Variants in GRAMD2B observed in about 807,000 individuals in gnomAD.
GRAMD2B encodes GRAM domain-containing protein 2B.
GRAMD2B carries 41 observed loss-of-function variants against 59.2 expected under a neutral mutation model. The observed-to-expected ratio is 0.69, with a 90% CI of 0.54 to 0.90. The LOEUF (loss-of-function observed/expected upper bound fraction) is 0.90, where lower values mean the gene tolerates loss of function less well. Ranked by LOEUF, GRAMD2B falls within the 40% of genes least tolerant of loss-of-function variation. The pLI, the probability that GRAMD2B is intolerant of heterozygous loss-of-function variation, is 0.00. For missense variants in GRAMD2B, 424 were observed against 500.5 expected (o/e 0.85, Z 1.46); for synonymous variants, 161 against 182.7 (o/e 0.88, Z 0.96).
intron 1 of GRAMD2B, among the ~76,000 whole-genome samples, chr5:126,365,996 A>G (rs1386146771): frequency 1.3e-5 from 2 of 152,192 alleles, no homozygotes; most frequent in Admixed American, 1.3e-4. Context: ...GTCTACTTAC[A>G]TGTTTACTGA....
At chr5:126,449,209 A>T (rs1043074893) in intron 1 of GRAMD2B, among the ~76,000 whole-genome samples, 2 of 152,238 alleles carry the variant, frequency 1.3e-5, no homozygotes, top group Non-Finnish European at 2.9e-5. Context: ...TGTCATGTAC[A>T]AATTATATTC....
At position 126,423,576 on chromosome 5, in the gene GRAMD2B, A is replaced by G; in HGVS notation, c.-31A>G. 1 of 1,604,422 alleles carries G rather than the reference A, an allele frequency of 6.2e-7. No individual in the cohort carries two copies. The highest frequency in any genetic ancestry group is 8.5e-7 in the Non-Finnish European group (1 of 1,176,230). ...GCCGGGGCAGAGCCAGGCGCGCGGAAGTCTGAAGGTGCCCTCCAGACACGG... is the reference window on the plus strand; with the variant it reads ...GCCGGGGCAGAGCCAGGCGCGCGGAGGTCTGAAGGTGCCCTCCAGACACGG... On this transcript the variant is annotated 5_prime_UTR_variant, in exon 1 of 14. Coordinates refer to ENST00000285689, the MANE Select transcript of GRAMD2B (RefSeq NM_023927.4).
intron 1 of GRAMD2B, among the ~76,000 whole-genome samples, chr5:126,393,201 G>A (rs1469954319): frequency 6.6e-6 from 1 of 151,460 alleles, no homozygotes; most frequent in Non-Finnish European, 1.5e-5. Flanking sequence ...TTTCCATCAC[G>A]ACCATCTCCC....
chr5:126,454,932 C>T (rs1766008675), intron 1 of GRAMD2B, among the ~76,000 whole-genome samples: 1 of 152,178 alleles, frequency 6.6e-6, no homozygotes, highest in Non-Finnish European at 1.5e-5. Flanking sequence ...TATCAATATA[C>T]ATCTATTATG....
chr5:126,360,802 C>G (rs1307666514), intron 1 of GRAMD2B, among the ~76,000 whole-genome samples: 1 of 152,130 alleles, frequency 6.6e-6, no homozygotes, highest in African/African-American at 2.4e-5. Flanking sequence ...TTGAAAGATA[C>G]AGTTGCAATC....
intron 1 of GRAMD2B, among the ~76,000 whole-genome samples, chr5:126,375,571 C>T (rs2149696817): frequency 1.3e-5 from 2 of 152,142 alleles, no homozygotes; most frequent in Non-Finnish European, 2.9e-5. Flanking sequence ...AGGGTTTCAC[C>T]ATGTTAGCCA....
At chr5:126,373,157 G>T (rs554284494) in intron 1 of GRAMD2B, among the ~76,000 whole-genome samples, 4 of 151,590 alleles carry the variant, frequency 2.6e-5, no homozygotes, top group African/African-American at 9.8e-5. Flanking sequence ...TATTAGAACC[G>T]ACCTAAAAAA....
At chr5:126,421,282 C>T (rs145664494), upstream of GRAMD2B, among the ~76,000 whole-genome samples, 740 of 152,186 alleles carry the variant, frequency 4.9e-3, 7 homozygotes, top group African/African-American at 0.017. Flanking sequence ...AATTACTTAG[C>T]GGGGAAAAGT....
In GRAMD2B at chr5:126,480,671, C is replaced by A. The variant is rs1333011786; in HGVS notation, c.699C>A (p.Asn233Lys). 6.2e-7 allele frequency: 1 copy of A among 1,614,158 alleles called. No homozygotes were observed. Residue 233 changes from asparagine to lysine, a missense_variant, in exon 8 of 14, where the codon AAC becomes AAA. Asn to Lys is a moderately conservative substitution (Grantham distance 94). Transcript: ENST00000285689. ...GTCCCAATCCATCTTCTGCTGAAAACAGTTTCCGAGCAGACCGCCCTTCAT... is the reference window on the plus strand; with the variant it reads ...GTCCCAATCCATCTTCTGCTGAAAAAAGTTTCCGAGCAGACCGCCCTTCAT... ...GNSPNPSSAE[N>K]SFRADRPSSL...
Position 126,423,518 on chromosome 5 carries a change from G to C in GRAMD2B, c.-89G>C. On this transcript the variant is annotated 5_prime_UTR_variant, in exon 1 of 14. Coordinates refer to ENST00000285689, the MANE Select transcript of GRAMD2B (RefSeq NM_023927.4). The stretch of plus-strand genomic sequence containing the variant: ...GGGGAGGGCACGGCGCCGCTTGCTT[G>C]GCCTGCGCACCCGGACCTAGAAGCC... 1 of 1,549,372 alleles carries C rather than the reference G, an allele frequency of 6.5e-7. No homozygotes were observed. Among genetic ancestry groups the C allele is most frequent in the Non-Finnish European group, 8.7e-7 (1 of 1,149,328 alleles).
At chr5:126,375,437 C>T (rs369265243) in intron 1 of GRAMD2B, among the ~76,000 whole-genome samples, 2 of 151,636 alleles carry the variant, frequency 1.3e-5, no homozygotes, top group Admixed American at 6.6e-5. Flanking sequence ...GGCGCGATCT[C>T]GGCTCACTGC....
chr5:126,423,553 C>T lies in GRAMD2B; in HGVS notation c.-54C>T. On this transcript the variant is annotated 5_prime_UTR_variant, in exon 1 of 14. Transcript: ENST00000285689. ...CCCGGACCTAGAAGCCGGGACGAGC[C>T]GGGGCAGAGCCAGGCGCGCGGAAGT... The T allele has an allele frequency of 1.9e-6, 3 of 1,584,610 alleles. No individual in the cohort carries two copies. Among genetic ancestry groups the T allele is most frequent in the Admixed American group, 3.6e-5 (2 of 54,800 alleles).
intron 13 of GRAMD2B, 110 bp from the exon 14 acceptor site, chr5:126,492,805 C>A: frequency 3.0e-6 from 2 of 670,322 alleles, no homozygotes; most frequent in Non-Finnish European, 5.0e-6. Context: ...CCTTTTGTAG[C>A]TTTTTATTCA....
chr5:126,446,851 TG>T (rs1554082161), intron 1 of GRAMD2B, among the ~76,000 whole-genome samples: 2 of 152,154 alleles, frequency 1.3e-5, no homozygotes, highest in Non-Finnish European at 2.9e-5. Flanking sequence ...ATTCTTCTCC[TG>T]GAAACTTCTC....
chr5:126,375,218 T>C (rs1213397701), intron 1 of GRAMD2B, among the ~76,000 whole-genome samples: 1 of 152,204 alleles, frequency 6.6e-6, no homozygotes, highest in Non-Finnish European at 1.5e-5. Flanking sequence ...TACAGAAATA[T>C]AATTAGATTT....
chr5:126,387,144 G>A (rs187848406), intron 1 of GRAMD2B, among the ~76,000 whole-genome samples: 371 of 151,952 alleles, frequency 2.4e-3, no homozygotes, highest in Admixed American at 5.5e-3. Flanking sequence ...TCTCCCATAT[G>A]ACTGAAGTCC....
intron 10 of GRAMD2B, 121 bp downstream of exon 10, chr5:126,484,645 A>G (rs750403565): frequency 1.8e-5 from 18 of 1,014,750 alleles, no homozygotes; most frequent in Non-Finnish European, 2.4e-5. Context: ...GTGCAATAAC[A>G]TGATCTTGGC....
In GRAMD2B at chr5:126,449,160, A is replaced by G. The variant is rs531702921; in HGVS notation, c.84-16266A>G. Reference sequence around the variant, plus strand: ...TAAAGATGTCAAATATAAAATTAAAATCTTTTAGATCCACTGCTTATTTCC... The same window carrying G: ...TAAAGATGTCAAATATAAAATTAAAGTCTTTTAGATCCACTGCTTATTTCC... On this transcript the variant is annotated intron_variant, in intron 1 of 13. Transcript: ENST00000285689. Among the ~76,000 whole-genome samples, 5 of 152,328 alleles carry G rather than the reference A, an allele frequency of 3.3e-5. No individual in the cohort carries two copies. The East Asian group carries it at 9.6e-4, about 29-fold the overall frequency.
intron 1 of GRAMD2B, among the ~76,000 whole-genome samples, chr5:126,401,857 T>G (rs1211220532): frequency 6.6e-6 from 1 of 152,078 alleles, no homozygotes; most frequent in Non-Finnish European, 1.5e-5. Context: ...TTAGTCAAGA[T>G]ATCACTGTTG....
Sources: allele counts gnomAD v4.1 joint callset (sites outside exome capture counted in the v4.1 genomes callset), GRCh38; gene constraint gnomAD v4.1.1; transcripts MANE v1.5; gene names NCBI Gene and HGNC (gene_info 2026-07-23, HGNC 2026-07-21).